The following RIT2 variants were observed in gnomAD, a reference collection of about 807,000 sequenced individuals.
The protein encoded by RIT2 is Ras like without CAAX 2.
RIT2 carries 24 observed loss-of-function variants against 23.7 expected under a neutral mutation model. The observed-to-expected ratio is 1.01, with a 90% CI of 0.73 to 1.43. The LOEUF is 1.43. RIT2 is among the 40% of genes most tolerant of loss of function. The probability of loss-of-function intolerance (pLI) is 0.00; values close to 1 mark genes in which losing one functional copy is unlikely to be tolerated. For synonymous variants in RIT2, 107 were observed against 91.1 expected, an observed-to-expected ratio of 1.17 and a Z score of -0.99; for missense variants, 236 against 266.9, an observed-to-expected ratio of 0.88 and a Z score of 0.81.
chr18:42,865,621 T>C (rs1907449779), intron 4 of RIT2, among the ~76,000 whole-genome samples: 1 of 152,096 alleles, frequency 6.6e-6, no homozygotes. Flanking sequence ...TTTTTAAAAA[T>C]ATGAATAAGA....
chr18:42,943,665 G>A (rs1483659233), intron 3 of RIT2, among the ~76,000 whole-genome samples: 1 of 151,926 alleles, frequency 6.6e-6, no homozygotes, highest in Non-Finnish European at 1.5e-5. Flanking sequence ...TAAATTTTTT[G>A]CCCAGAAATA....
At chr18:42,865,006 A>G (rs1027487670) in intron 4 of RIT2, among the ~76,000 whole-genome samples, 1 of 152,198 alleles carries the variant, frequency 6.6e-6, no homozygotes, top group Non-Finnish European at 1.5e-5. Context: ...ACAAGAGTCC[A>G]TATCTTGTAA....
rs1176526222 is a variant in RIT2 at position 42,856,051 on chromosome 18, C to T, written c.426+67521G>A. Reference sequence around the variant, plus strand: ...TTCTTCTGCCCTCCTGTTTCTCAGGCCCATTCGAAAGTGCCTAGCCATAGA... The same window carrying T: ...TTCTTCTGCCCTCCTGTTTCTCAGGTCCATTCGAAAGTGCCTAGCCATAGA... On this transcript the variant is annotated intron_variant, in intron 4 of 4. Transcript: ENST00000326695. Among the ~76,000 whole-genome samples, 5 of 152,292 alleles carry T rather than the reference C, an allele frequency of 3.3e-5. No homozygotes were observed. The East Asian group carries it at 9.7e-4, about 29-fold the overall frequency.
At chr18:42,993,683 T>C (rs1910908652) in intron 2 of RIT2, among the ~76,000 whole-genome samples, 1 of 152,098 alleles carries the variant, frequency 6.6e-6, no homozygotes, top group South Asian at 2.1e-4. Flanking sequence ...TGACTATTCC[T>C]GGGCTACAGC....
At chr18:42,870,717 T>C (rs987661481) in intron 4 of RIT2, among the ~76,000 whole-genome samples, 2 of 152,110 alleles carry the variant, frequency 1.3e-5, no homozygotes, top group Admixed American at 6.6e-5. Context: ...CTGTATTTCA[T>C]GTGAAAGGTT....
chr18:42,798,713 A>G (rs1905442500), intron 4 of RIT2, among the ~76,000 whole-genome samples: 1 of 152,200 alleles, frequency 6.6e-6, no homozygotes, highest in African/African-American at 2.4e-5. Flanking sequence ...CACCATTGGC[A>G]CCTGGCCAGT....
intron 4 of RIT2, among the ~76,000 whole-genome samples, chr18:42,798,382 T>C (rs1379637574): frequency 1.3e-5 from 2 of 152,226 alleles, no homozygotes; most frequent in Admixed American, 6.5e-5. Context: ...AAAGCATTTC[T>C]GGCAAGCAAC....
At chr18:42,783,680 G>A (rs748068925) in intron 4 of RIT2, among the ~76,000 whole-genome samples, 10 of 152,076 alleles carry the variant, frequency 6.6e-5, no homozygotes, top group Non-Finnish European at 1.3e-4. Context: ...TCTGCTTAGA[G>A]GAGTGAGTTG....
intron 4 of RIT2, among the ~76,000 whole-genome samples, chr18:42,842,751 T>C (rs1014718606): frequency 6.6e-6 from 1 of 152,084 alleles, no homozygotes; most frequent in Non-Finnish European, 1.5e-5. Context: ...TGACCTCATA[T>C]AATGGGTTGC....
At chr18:43,078,687 A>G (rs1055927373) in intron 1 of RIT2, among the ~76,000 whole-genome samples, 5 of 152,226 alleles carry the variant, frequency 3.3e-5, no homozygotes, top group African/African-American at 1.2e-4. Flanking sequence ...AAGGCTAAGG[A>G]GAATCCCAGA....
Position 42,766,532 on chromosome 18 carries a change from G to A in RIT2, c.427-22812C>T, listed in dbSNP as rs1370103053. On this transcript the variant is annotated intron_variant, in intron 4 of 4. Coordinates refer to ENST00000326695, the MANE Select transcript of RIT2 (RefSeq NM_002930.4). ...CTGTTAAAGGCCTTCAGTTTTATAAGGAAAGCAGAGCATAAAAGTTTGGAA... is the reference window on the plus strand; with the variant it reads ...CTGTTAAAGGCCTTCAGTTTTATAAAGAAAGCAGAGCATAAAAGTTTGGAA... 3.3e-5 allele frequency among the ~76,000 whole-genome samples: 5 copies of A among 152,168 alleles called. No individual in the cohort carries two copies. The East Asian group carries it at 9.6e-4, about 29-fold the overall frequency.
chr18:42,987,562 T>C lies in RIT2; in HGVS notation c.161-13415A>G, dbSNP rs529989985. 3.9e-5 allele frequency among the ~76,000 whole-genome samples: 6 copies of C among 152,338 alleles called. No individual in the cohort carries two copies. The South Asian group carries it at 1.2e-3, about 32-fold the overall frequency. On this transcript the variant is annotated intron_variant, in intron 2 of 4. Transcript: ENST00000326695. ...AGCAATTTCACACATCAGGGATATA[T>C]GTACATGTAGAGTTACACATGTGTG... is the stretch of plus-strand genomic sequence containing the variant.
At chr18:43,082,531 C>G (rs188383194) in intron 1 of RIT2, among the ~76,000 whole-genome samples, 2 of 152,108 alleles carry the variant, frequency 1.3e-5, no homozygotes, top group Non-Finnish European at 2.9e-5. Flanking sequence ...TTATCTGCCA[C>G]GTTCAAGTCA....
intron 4 of RIT2, among the ~76,000 whole-genome samples, chr18:42,854,840 T>C (rs1907141763): frequency 6.6e-6 from 1 of 152,138 alleles, no homozygotes; most frequent in Non-Finnish European, 1.5e-5. Flanking sequence ...TACTGAGTAA[T>C]CCCAACTATT....
At chr18:42,957,352 T>C (rs1175745872) in intron 3 of RIT2, among the ~76,000 whole-genome samples, 1 of 152,142 alleles carries the variant, frequency 6.6e-6, no homozygotes, top group Non-Finnish European at 1.5e-5. Flanking sequence ...AAATGACAAA[T>C]TTTAAACTGT....
At chr18:43,000,818 C>T (rs148113117) in intron 2 of RIT2, among the ~76,000 whole-genome samples, 1 of 151,916 alleles carries the variant, frequency 6.6e-6, no homozygotes, top group Non-Finnish European at 1.5e-5. Context: ...GTCAATTAAG[C>T]CTTTCTCCTT....
rs144246314 is a variant in RIT2 at position 43,095,074 on chromosome 18, C to T, written c.103+20343G>A. Among the ~76,000 whole-genome samples, 540 of 152,138 alleles carry T rather than the reference C, an allele frequency of 3.5e-3. 3 individuals carry two copies. Among genetic ancestry groups the T allele is most frequent in the African/African-American group, 0.011 (453 of 41,516 alleles). Reference sequence around the variant, plus strand: ...TGATTTACAATCCTTTGGATATATACCCAGTAATGGGATGGCTGGGTCAAA... The same window carrying T: ...TGATTTACAATCCTTTGGATATATATCCAGTAATGGGATGGCTGGGTCAAA... On this transcript the variant is annotated intron_variant, in intron 1 of 4. Transcript: ENST00000326695.
intron 1 of RIT2, among the ~76,000 whole-genome samples, chr18:43,112,642 G>A (rs1353343029): frequency 1.3e-5 from 2 of 152,182 alleles, no homozygotes; most frequent in Non-Finnish European, 2.9e-5. Context: ...AATGGCTCAT[G>A]CCTATAATCC....
intron 1 of RIT2, among the ~76,000 whole-genome samples, chr18:43,110,928 A>T (rs62090500): frequency 4.6e-5 from 7 of 152,078 alleles, no homozygotes; most frequent in African/African-American, 1.4e-4. Context: ...CTATAGGAAA[A>T]CAAATTAGCA....
Sources: allele counts gnomAD v4.1 joint callset (sites outside exome capture counted in the v4.1 genomes callset), GRCh38; gene constraint gnomAD v4.1.1; transcripts MANE v1.5; gene names NCBI Gene and HGNC (gene_info 2026-07-23, HGNC 2026-07-21).